Variants in OR3A2 observed in about 807,000 individuals in gnomAD.
The protein encoded by OR3A2 is olfactory receptor 3A2.
For synonymous variants in OR3A2, 126 were observed against 159.3 expected (o/e 0.79, Z 1.57); for missense variants, 318 against 392.8 (o/e 0.81, Z 1.61).
At chr17:3,377,854 C>T (rs560988726) in intron 2 of OR3A2, among the ~76,000 whole-genome samples, 20 of 152,336 alleles carry the variant, frequency 1.3e-4, no homozygotes, top group African/African-American at 4.6e-4. Context: ...GGGATGTAAA[C>T]TAGTCTGACC....
At chr17:3,359,906 C>A (rs1342631818) in intron 2 of OR3A2, among the ~76,000 whole-genome samples, 1 of 151,788 alleles carries the variant, frequency 6.6e-6, no homozygotes, top group Non-Finnish European at 1.5e-5. Context: ...TTTATAGCAG[C>A]ATGATTTATA....
chr17:3,353,991 C>T (rs1318975854), intron 2 of OR3A2, among the ~76,000 whole-genome samples: 1 of 151,546 alleles, frequency 6.6e-6, no homozygotes, highest in African/African-American at 2.4e-5. Context: ...GATTTATTTG[C>T]ACATTTTGCA....
chr17:3,342,603 G>A (rs2049328515), intron 2 of OR3A2, among the ~76,000 whole-genome samples: 1 of 152,204 alleles, frequency 6.6e-6, no homozygotes, highest in Admixed American at 6.5e-5. Flanking sequence ...CTGCAGAAGG[G>A]CAAATATTGC....
At chr17:3,322,441 C>G (rs2049132248) in intron 3 of OR3A2, among the ~76,000 whole-genome samples, 1 of 152,158 alleles carries the variant, frequency 6.6e-6, no homozygotes, top group Non-Finnish European at 1.5e-5. Flanking sequence ...TCTTGCTTCT[C>G]TAGTTCTTTT....
At chr17:3,364,945 C>T (rs949929430) in intron 2 of OR3A2, among the ~76,000 whole-genome samples, 1 of 151,626 alleles carries the variant, frequency 6.6e-6, no homozygotes, top group Non-Finnish European at 1.5e-5. Context: ...AATTACAGGT[C>T]ACTGTTACAT....
At chr17:3,342,227 G>A (rs1305919482) in intron 2 of OR3A2, among the ~76,000 whole-genome samples, 1 of 152,168 alleles carries the variant, frequency 6.6e-6, no homozygotes, top group African/African-American at 2.4e-5. Context: ...CTTTAGCTCA[G>A]AGAAGTTTGT....
At chr17:3,319,679 T>C (rs995405369) in intron 3 of OR3A2, among the ~76,000 whole-genome samples, 6 of 152,180 alleles carry the variant, frequency 3.9e-5, no homozygotes, top group Non-Finnish European at 2.9e-5. Flanking sequence ...TCCAGTTTCA[T>C]CCATGTCCCT....
intron 3 of OR3A2, among the ~76,000 whole-genome samples, chr17:3,333,391 C>T (rs1321439479): frequency 1.3e-5 from 2 of 152,122 alleles, no homozygotes; most frequent in East Asian, 3.9e-4. Context: ...TCTAATTTTG[C>T]CTTTGCCTTG....
rs558025691 is a variant in OR3A2 at position 3,363,527 on chromosome 17, C to T, written c.-179+20277G>A. ...TGTCAGCATTTCGGTCACAATCATT[C>T]GACAAGTCTCTATGAAGTTCTAAAC... On this transcript the variant is annotated intron_variant, in intron 2 of 4. Transcript: ENST00000573491. Among the ~76,000 whole-genome samples, 15 of 151,856 alleles carry T rather than the reference C, an allele frequency of 9.9e-5. No individual in the cohort carries two copies. In the South Asian group the frequency reaches 1.9e-3, roughly 19 times the overall value.
intron 3 of OR3A2, among the ~76,000 whole-genome samples, chr17:3,300,762 T>C (rs2048957449): frequency 1.3e-5 from 2 of 152,052 alleles, no homozygotes; most frequent in African/African-American, 2.4e-5. Flanking sequence ...TACATATGTA[T>C]ACATGTGCTG....
chr17:3,348,273 G>T (rs999664049), intron 2 of OR3A2, among the ~76,000 whole-genome samples: 15 of 152,174 alleles, frequency 9.9e-5, no homozygotes, highest in Admixed American at 1.3e-4. Context: ...ATCCATTTTG[G>T]CTTTTGTTGC....
At chr17:3,386,131 CTCGTGGACG>C (rs2049774692) in exon 1 of OR3A2, 1 of 398,902 alleles carries the variant, frequency 2.5e-6, no homozygotes, top group Non-Finnish European at 4.4e-6. Context: ...TCACCTGAGC[CTCGTGGACG>C]TCTGCTTTAC....
At chr17:3,317,147 C>T (rs550240735) in intron 3 of OR3A2, among the ~76,000 whole-genome samples, 2 of 152,268 alleles carry the variant, frequency 1.3e-5, no homozygotes, top group Non-Finnish European at 2.9e-5. Context: ...GAAGTTCATT[C>T]TGGGGCTTCA....
intron 2 of OR3A2, among the ~76,000 whole-genome samples, chr17:3,336,989 T>G (rs1402703686): frequency 1.3e-5 from 2 of 152,192 alleles, no homozygotes; most frequent in Non-Finnish European, 2.9e-5. Context: ...AAACAAAAGA[T>G]TCACCCTAGG....
chr17:3,292,982 G>A (rs1183300683), intron 3 of OR3A2, among the ~76,000 whole-genome samples: 1 of 151,892 alleles, frequency 6.6e-6, no homozygotes, highest in Non-Finnish European at 1.5e-5. Context: ...AAAACAAGCA[G>A]AAAAATAAAC....
At chr17:3,348,309 A>C (rs2150651960) in intron 2 of OR3A2, among the ~76,000 whole-genome samples, 1 of 152,206 alleles carries the variant, frequency 6.6e-6, no homozygotes, top group East Asian at 1.9e-4. Context: ...TTTAGACATG[A>C]AGTCCTTGCC....
At chr17:3,379,804 G>A (rs1273941483) in intron 2 of OR3A2, among the ~76,000 whole-genome samples, 1 of 152,200 alleles carries the variant, frequency 6.6e-6, no homozygotes, top group Non-Finnish European at 1.5e-5. Flanking sequence ...GAAGGGGCAG[G>A]GGAGTGACAG....
intron 3 of OR3A2, among the ~76,000 whole-genome samples, chr17:3,334,892 T>C (rs1211861058): frequency 1.3e-5 from 2 of 152,206 alleles, no homozygotes; most frequent in Admixed American, 6.5e-5. Context: ...TATTTTAATA[T>C]GAGATGAATA....
intron 2 of OR3A2, among the ~76,000 whole-genome samples, chr17:3,382,068 A>C (rs945602533): frequency 3.3e-5 from 5 of 152,154 alleles, no homozygotes; most frequent in Admixed American, 3.3e-4. Flanking sequence ...TGGGAAGTCA[A>C]GAAAGGAGGT....
Sources: allele counts gnomAD v4.1 joint callset (sites outside exome capture counted in the v4.1 genomes callset), GRCh38; gene constraint gnomAD v4.1.1; transcripts MANE v1.5; gene names NCBI Gene and HGNC (gene_info 2026-07-23, HGNC 2026-07-21).